The following R3HDM1 variants were observed in gnomAD, a reference collection of about 807,000 sequenced individuals.
R3HDM1 encodes the protein R3H domain-containing protein 1.
A neutral mutation model predicts 141.1 loss-of-function variants in R3HDM1; 46 were observed. The ratio of observed to expected loss-of-function variants is 0.33; its 90% CI spans 0.26 to 0.42. R3HDM1 has a LOEUF of 0.42. R3HDM1 is among the 10% of genes least tolerant of loss of function. The pLI, the probability that R3HDM1 is intolerant of heterozygous loss-of-function variation, is 1.00. For missense variants in R3HDM1, 1,184 were observed against 1,368.3 expected (o/e 0.87, Z 2.12); for synonymous variants, 435 against 472.9 (o/e 0.92, Z 1.04).
intron 1 of R3HDM1, among the ~76,000 whole-genome samples, chr2:135,600,012 T>G (rs2105094672): frequency 6.6e-6 from 1 of 151,356 alleles, no homozygotes; most frequent in Non-Finnish European, 1.5e-5. Context: ...CCAACCTGGG[T>G]TACAGAGTGA....
chr2:135,623,106 T>C, intron 7 of R3HDM1: 13 of 917,894 alleles, frequency 1.4e-5, no homozygotes, highest in Non-Finnish European at 1.7e-5. Context: ...AGTTTTTAAA[T>C]GCAAAGTTTT....
chr2:135,656,216 G>A (rs1427088215), intron 18 of R3HDM1, among the ~76,000 whole-genome samples: 1 of 151,978 alleles, frequency 6.6e-6, no homozygotes, highest in East Asian at 1.9e-4. Flanking sequence ...ATTCTTTTGA[G>A]TAACATTTAA....
chr2:135,666,668 G>A (rs992363047), intron 19 of R3HDM1, among the ~76,000 whole-genome samples: 2 of 152,104 alleles, frequency 1.3e-5, no homozygotes, highest in African/African-American at 2.4e-5. Flanking sequence ...ATTGGTTTTT[G>A]TATATGTATA....
intron 1 of R3HDM1, among the ~76,000 whole-genome samples, chr2:135,551,451 A>G (rs1472938673): frequency 6.6e-6 from 1 of 152,154 alleles, no homozygotes; most frequent in Non-Finnish European, 1.5e-5. Context: ...AGGTTATTCT[A>G]TTGCACTCTG....
intron 21 of R3HDM1, among the ~76,000 whole-genome samples, chr2:135,703,265 A>G (rs1419776845): frequency 2.6e-5 from 4 of 152,140 alleles, no homozygotes; most frequent in African/African-American, 9.7e-5. Context: ...CATCCTACCT[A>G]TTTATTAAAT....
chr2:135,690,449 TGTATTATACAC>T lies in R3HDM1; in HGVS notation c.2459+10126_2459+10136del, dbSNP rs1260220798. Reference sequence around the variant, plus strand: ...CAAGACTTTGTCTACAGATAAATATTGTATTATACACTTAAAACTCTGTGAGGATAGATCTT... The same window carrying T: ...CAAGACTTTGTCTACAGATAAATATTTTAAAACTCTGTGAGGATAGATCTT... On this transcript the variant is annotated intron_variant, in intron 21 of 26. Transcript: ENST00000683871. Among the ~76,000 whole-genome samples, 7 of 152,324 alleles carry T rather than the reference TGTATTATACAC, an allele frequency of 4.6e-5. No homozygotes were observed. In the East Asian group the frequency reaches 1.4e-3, roughly 29 times the overall value.
At chr2:135,579,891 G>T in intron 1 of R3HDM1, among the ~76,000 whole-genome samples, 1 of 152,094 alleles carries the variant, frequency 6.6e-6, no homozygotes, top group East Asian at 1.9e-4. Flanking sequence ...GTTGGATGAG[G>T]TATATACAGG....
chr2:135,609,111 A>C (rs2060313329), intron 3 of R3HDM1, among the ~76,000 whole-genome samples: 1 of 152,170 alleles, frequency 6.6e-6, no homozygotes, highest in Non-Finnish European at 1.5e-5. Context: ...TAATTTCATC[A>C]AACCAGAGAG....
At chr2:135,720,050 T>G (rs1386915054) in intron 24 of R3HDM1, among the ~76,000 whole-genome samples, 1 of 152,178 alleles carries the variant, frequency 6.6e-6, no homozygotes, top group Non-Finnish European at 1.5e-5. Context: ...TTCACCATGT[T>G]GGCCAGGCTG....
intron 1 of R3HDM1, among the ~76,000 whole-genome samples, chr2:135,578,553 A>G (rs1045883843): frequency 3.3e-5 from 5 of 152,228 alleles, no homozygotes; most frequent in Non-Finnish European, 5.9e-5. Flanking sequence ...GTGTGGAGAA[A>G]GGAGCCCAAA....
chr2:135,560,376 C>T (rs942007852), intron 1 of R3HDM1, among the ~76,000 whole-genome samples: 74 of 152,150 alleles, frequency 4.9e-4, no homozygotes, highest in Non-Finnish European at 8.8e-4. Context: ...AGTGCAGTGG[C>T]GCTGTCTCGG....
intron 1 of R3HDM1, among the ~76,000 whole-genome samples, chr2:135,563,080 T>C (rs1418576231): frequency 6.6e-6 from 1 of 152,182 alleles, no homozygotes; most frequent in African/African-American, 2.4e-5. Flanking sequence ...AGAAATGTCT[T>C]ATGTGAGTGT....
At chr2:135,554,395 A>G (rs1404184009) in intron 1 of R3HDM1, among the ~76,000 whole-genome samples, 1 of 152,088 alleles carries the variant, frequency 6.6e-6, no homozygotes, top group Non-Finnish European at 1.5e-5. Flanking sequence ...TGGATATATG[A>G]CGTTTTATTC....
Position 135,670,480 on chromosome 2 carries a change from C to T in R3HDM1, c.2153-4852C>T, listed in dbSNP as rs2068173098. 4.8e-6 allele frequency: 4 copies of T among 834,812 alleles called. No individual in the cohort carries two copies. The South Asian group carries it at 1.7e-4, about 35-fold the overall frequency. The allele number at this position is 834,812 out of a possible 1,614,324, so 51.7% of individuals were successfully genotyped here. ...AAATACTTTCTTCCCATACATTGTA[C>T]AATTTCTATTGATAAGATGTGGAAG... On this transcript the variant is annotated intron_variant, in intron 19 of 26. Transcript: ENST00000683871.
At chr2:135,697,050 TC>T (rs2073348904) in intron 21 of R3HDM1, among the ~76,000 whole-genome samples, 1 of 152,008 alleles carries the variant, frequency 6.6e-6, no homozygotes, top group South Asian at 2.1e-4. Flanking sequence ...AGGTGAGAGA[TC>T]GGGGGGAAAC....
chr2:135,605,144 C>A, intron 3 of R3HDM1, 128 bp downstream of exon 3: 1 of 794,920 alleles, frequency 1.3e-6, no homozygotes, highest in South Asian at 2.0e-5. Context: ...TGCTTACTAG[C>A]TGGTTTTGGA....
chr2:135,688,665 G>A (rs533717567), intron 21 of R3HDM1, among the ~76,000 whole-genome samples: 8 of 152,160 alleles, frequency 5.3e-5, no homozygotes, highest in African/African-American at 1.7e-4. Flanking sequence ...GGCCAAGGAC[G>A]GTGGCTCATG....
At chr2:135,536,029 T>C (rs891108000) in intron 1 of R3HDM1, among the ~76,000 whole-genome samples, 5 of 152,226 alleles carry the variant, frequency 3.3e-5, no homozygotes, top group African/African-American at 9.6e-5. Context: ...TAGTTTATGA[T>C]CTTTTTTCCC....
intron 6 of R3HDM1, chr2:135,622,325 C>T (rs2061588114): frequency 2.0e-6 from 2 of 984,686 alleles, no homozygotes; most frequent in East Asian, 1.1e-4. Flanking sequence ...ATTTTTCACC[C>T]ACGGAGGCAT....
Sources: allele counts gnomAD v4.1 joint callset (sites outside exome capture counted in the v4.1 genomes callset), GRCh38; gene constraint gnomAD v4.1.1; transcripts MANE v1.5; gene names NCBI Gene and HGNC (gene_info 2026-07-23, HGNC 2026-07-21).